Variants in RIF1 observed in about 807,000 individuals in gnomAD.
The protein encoded by RIF1 is replication timing regulatory factor 1.
A neutral mutation model predicts 247.1 loss-of-function variants in RIF1; 45 were observed. The observed-to-expected ratio is 0.18, with a 90% CI of 0.14 to 0.23. The LOEUF (loss-of-function observed/expected upper bound fraction) is 0.23. RIF1 is among the 10% of genes least tolerant of loss of function. The pLI, the probability that RIF1 is intolerant of heterozygous loss-of-function variation, is 1.00. For missense variants in RIF1, 2,967 were observed against 2,862.5 expected (o/e 1.04, Z -0.83); for synonymous variants, 1,087 against 978.8 (o/e 1.11, Z -2.06).
chr2:151,497,259 G>A, intron 10 of RIF1: 1 of 894,880 alleles, frequency 1.1e-6, no homozygotes, highest in South Asian at 5.1e-5. Context: ...GCTGGGGAAA[G>A]GCTGTCAGAG....
rs376067163 is a variant in RIF1 at position 151,464,106 on chromosome 2, T to C, written c.4586T>C (p.Leu1529Pro). The change falls in exon 30 of 36, where the codon CTA (leucine) becomes CCA (proline). Residue 1529 changes from leucine (L) to proline (P), a missense_variant. Coordinates refer to ENST00000444746, the MANE Select transcript of RIF1 (RefSeq NM_018151.5). ...QDIVDKSSEK[L>P]VRGRTRYQTR... The stretch of plus-strand genomic sequence containing the variant: ...ATTGTAGATAAGTCCTCTGAGAAAC[T>C]AGTCAGAGGCCGAACACGGTATCAA... The C allele has an allele frequency of 3.7e-6, 6 of 1,612,578 alleles. No individual in the cohort carries two copies. The highest frequency in any genetic ancestry group is 1.3e-5 in the African/African-American group (1 of 74,714).
intron 35 of RIF1, 38 bp from the exon 36 acceptor site, chr2:151,474,819 G>C (rs1333553203): frequency 8.4e-7 from 1 of 1,187,292 alleles, no homozygotes; most frequent in Non-Finnish European, 1.2e-6. Context: ...ATTTTTGTCT[G>C]GTATAGATTT....
rs1156327151 is a variant in RIF1 at position 151,465,711 on chromosome 2, A to G, written c.6191A>G (p.Asp2064Gly). The G allele has an allele frequency of 6.2e-7, 1 of 1,614,116 alleles. No homozygotes were observed. Among genetic ancestry groups the G allele is most frequent in the African/African-American group, 1.3e-5 (1 of 74,946 alleles). ...ACAAACATGTTGACTGCAGAAATGG[A>G]CAACTTTGTTTGTGACACAGTTGAA... ...AETNMLTAEM[D>G]NFVCDTVEMS... is the part of the protein sequence containing the mutation. Residue 2064 changes from aspartate (D) to glycine (G), a missense_variant, in exon 30 of 36, where the codon GAC becomes GGC. Around this residue, in one of 7 missense-constraint regions of RIF1, gnomAD observed 2,028 missense variants for 1,825.6 expected, o/e 1.11. Transcript: ENST00000444746.
In RIF1 at chr2:151,463,183, T is replaced by A; in HGVS notation, c.3663T>A (p.Phe1221Leu). ...PPYPTSRRQT[F>L]ITLEKFDGSE... Reference sequence around the variant, plus strand: ...ACCCTACAAGTCGGAGGCAAACCTTTATTACTTTGGAGAAGTTTGATGGTT... The same window carrying A: ...ACCCTACAAGTCGGAGGCAAACCTTAATTACTTTGGAGAAGTTTGATGGTT... Residue 1221 changes from phenylalanine to leucine, a missense_variant, in exon 30 of 36, where the codon TTT becomes TTA. Physicochemically the swap from Phe to Leu is conservative, Grantham distance 22 (BLOSUM62 0). Transcript: ENST00000444746. The A allele has an allele frequency of 6.2e-7, 1 of 1,614,168 alleles. No homozygotes were observed. Among genetic ancestry groups the A allele is most frequent in the Non-Finnish European group, 8.5e-7 (1 of 1,180,020 alleles).
intron 9 of RIF1, chr2:151,490,217 T>A: frequency 8.5e-7 from 1 of 1,173,028 alleles, no homozygotes; most frequent in Non-Finnish European, 1.2e-6. Context: ...ATGAAACATC[T>A]AACTTCATGC....
intron 10 of RIF1, 75 bp from the exon 11 acceptor site, chr2:151,435,388 T>C (rs954239178): frequency 4.8e-6 from 4 of 829,456 alleles, no homozygotes; most frequent in Non-Finnish European, 6.0e-6. Context: ...TTTAATGAAA[T>C]TTATATTATG....
chr2:151,463,187 A>C lies in RIF1; in HGVS notation c.3667A>C (p.Thr1223Pro), dbSNP rs766234523. 1.9e-6 allele frequency: 3 copies of C among 1,614,002 alleles called. No individual in the cohort carries two copies. In the South Asian group the frequency reaches 3.3e-5, roughly 18 times the overall value. ...TACAAGTCGGAGGCAAACCTTTATTACTTTGGAGAAGTTTGATGGTTCAGA... is the reference window on the plus strand; with the variant it reads ...TACAAGTCGGAGGCAAACCTTTATTCCTTTGGAGAAGTTTGATGGTTCAGA... ...YPTSRRQTFI[T>P]LEKFDGSENR... The change falls in exon 30 of 36, where the codon ACT becomes CCT. Residue 1223 changes from threonine (T) to proline (P), a missense_variant. Physicochemically the swap from Thr to Pro is conservative, Grantham distance 38. Transcript: ENST00000444746.
At position 151,481,141 on chromosome 2, in the gene RIF1, T is replaced by C. The variant is rs1193660990; in HGVS notation, c.*6070T>C. ...GGCTTCCAACAGTCAAAATACTGCC[T>C]GGCCTTTTAAAGAGTTTGTCAATCC... On this transcript the variant is annotated 3_prime_UTR_variant, in exon 36 of 36. Coordinates refer to ENST00000444746, the MANE Select transcript of RIF1 (RefSeq NM_018151.5). The C allele has an allele frequency of 6.6e-6, 1 of 152,216 alleles. No individual in the cohort carries two copies. The allele number at this position is 152,216 out of a possible 1,614,324, so 9.4% of individuals were successfully genotyped here.
intron 2 of RIF1, 151 bp downstream of exon 2, chr2:151,410,678 G>T (rs757362616): frequency 3.0e-6 from 2 of 666,118 alleles, no homozygotes; most frequent in Non-Finnish European, 5.3e-6. Flanking sequence ...GGGGGCGGGG[G>T]AGATGTATTC....
intron 4 of RIF1, among the ~76,000 whole-genome samples, chr2:151,415,708 T>G (rs1158135951): frequency 6.6e-6 from 1 of 151,800 alleles, no homozygotes; most frequent in Non-Finnish European, 1.5e-5. Flanking sequence ...ACCCCGTCTC[T>G]ACTAAAAATA....
intron 11 of RIF1, chr2:151,501,551 A>C: frequency 1.2e-6 from 1 of 801,372 alleles, no homozygotes; most frequent in Non-Finnish European, 1.8e-6. Flanking sequence ...TTAACCTAAA[A>C]AAACAGCCTA....
rs1484391694 is a variant in RIF1, at chr2:151,464,454, A to T, written c.4934A>T (p.Asp1645Val). 1 of 1,613,770 alleles carries T rather than the reference A, an allele frequency of 6.2e-7. No homozygotes were observed. Among genetic ancestry groups the T allele is most frequent in the Admixed American group, 1.7e-5 (1 of 59,970 alleles). The change falls in exon 30 of 36, where the codon GAT becomes GTT. Residue 1645 changes from aspartate to valine, a missense_variant. By Grantham distance (152) the Asp-to-Val change is radical. Coordinates refer to ENST00000444746, the MANE Select transcript of RIF1 (RefSeq NM_018151.5). ...TCAGATTTGTTGCAAGTTCCTGATG[A>T]TTTACCAAATGTGTGTGAGGAAAAA... ...VTSDLLQVPD[D>V]LPNVCEEKNE...
chr2:151,449,242 A>G (rs780264491), intron 20 of RIF1, among the ~76,000 whole-genome samples: 5 of 152,074 alleles, frequency 3.3e-5, no homozygotes, highest in East Asian at 1.9e-4. Flanking sequence ...TTACAGTGCT[A>G]TTCTTTTAAA....
the RIF1 span, chr2:151,519,730 C>G: frequency 2.5e-6 from 4 of 1,613,014 alleles, no homozygotes; most frequent in Non-Finnish European, 3.4e-6. Context: ...ATTTTGGTGT[C>G]TTGCCCTTTT....
chr2:151,498,192 A>AAAT, intron 10 of RIF1: 1 of 1,548,274 alleles, frequency 6.5e-7, no homozygotes, highest in Middle Eastern at 1.8e-4. Flanking sequence ...AAACAAAAAT[A>AAAT]AATAAATGTA....
intron 8 of RIF1, chr2:151,423,482 A>G (rs542948082): frequency 1.2e-5 from 2 of 160,850 alleles, no homozygotes; most frequent in African/African-American, 4.8e-5. Context: ...AGGCTGTGAT[A>G]TACCCAATGG....
downstream of RIF1, chr2:151,508,101 G>A (rs1575514028): frequency 6.2e-7 from 1 of 1,602,746 alleles, no homozygotes; most frequent in African/African-American, 1.3e-5. Flanking sequence ...CATCTTCCTT[G>A]TACTTTTTCT....
At chr2:151,448,987 G>A (rs1693794760) in intron 20 of RIF1, among the ~76,000 whole-genome samples, 1 of 152,080 alleles carries the variant, frequency 6.6e-6, no homozygotes. Context: ...CTTTGATAAG[G>A]GTGAATTCAC....
the RIF1 span, chr2:151,518,250 A>C: frequency 8.7e-7 from 1 of 1,145,994 alleles, no homozygotes. Flanking sequence ...GGAATCTATG[A>C]AATTTTTTTT....
Sources: allele counts gnomAD v4.1 joint callset (sites outside exome capture counted in the v4.1 genomes callset), GRCh38; gene constraint gnomAD v4.1.1; regional missense constraint gnomAD v4.1.1; transcripts MANE v1.5; gene names NCBI Gene and HGNC (gene_info 2026-07-23, HGNC 2026-07-21).